The following HHIPL1 variants were observed in gnomAD, a reference collection of about 807,000 sequenced individuals.
HHIPL1 encodes HHIP-like protein 1.
HHIPL1 carries 43 observed loss-of-function variants against 61.8 expected under a neutral mutation model. That is an observed-to-expected ratio of 0.70 (90% CI 0.55 to 0.90). The LOEUF (loss-of-function observed/expected upper bound fraction) is 0.90, where lower values mean the gene tolerates loss of function less well. Ranked by LOEUF, HHIPL1 falls within the 40% of genes least tolerant of loss-of-function variation. The pLI is 0.00. For missense variants in HHIPL1, 1,056 were observed against 1,157.7 expected (o/e 0.91, Z 1.28); for synonymous variants, 482 against 515.8 (o/e 0.93, Z 0.89).
chr14:99,646,827 GATATGATATAATATAATATA>G (rs1454199606), intron 1 of HHIPL1, among the ~76,000 whole-genome samples: 133 of 84,874 alleles, frequency 1.6e-3, no homozygotes, highest in African/African-American at 4.3e-3. Context: ...GATATGATAT[GATATGATATAATATAATATA>G]ATATAATATA....
chr14:99,617,816 GT>G, the HHIPL1 span, among the ~76,000 whole-genome samples: 2 of 152,112 alleles, frequency 1.3e-5, no homozygotes, highest in African/African-American at 2.4e-5. Context: ...TTCATTTCCA[GT>G]TTGCAAAGCA....
the HHIPL1 span, among the ~76,000 whole-genome samples, chr14:99,606,920 C>T: frequency 6.6e-6 from 1 of 152,022 alleles, no homozygotes; most frequent in Non-Finnish European, 1.5e-5. Context: ...GAGCCCCCTC[C>T]CGGAGGGCCC....
At chr14:99,616,841 A>G in the HHIPL1 span, among the ~76,000 whole-genome samples, 3 of 152,186 alleles carry the variant, frequency 2.0e-5, no homozygotes, top group Non-Finnish European at 2.9e-5. Flanking sequence ...CCTGGATTTT[A>G]TGCCCACAGG....
chr14:99,664,901 TC>T (rs2056216915), intron 6 of HHIPL1, among the ~76,000 whole-genome samples: 1 of 147,210 alleles, frequency 6.8e-6, no homozygotes. Context: ...GGGGAAATTG[TC>T]CATTTTTTTT....
upstream of HHIPL1, among the ~76,000 whole-genome samples, chr14:99,642,215 C>T (rs1474353056): frequency 6.6e-6 from 1 of 152,226 alleles, no homozygotes. Flanking sequence ...GCTGGGATTA[C>T]AGGCATGAGC....
chr14:99,642,715 G>A (rs530766007), upstream of HHIPL1, among the ~76,000 whole-genome samples: 1 of 151,958 alleles, frequency 6.6e-6, no homozygotes, highest in East Asian at 1.9e-4. Flanking sequence ...TAGTAGAGAT[G>A]GGGTTTCACC....
rs140933414 is a variant in HHIPL1 at position 99,668,383 on chromosome 14, G to A, written c.1730+80G>A. 831 of 843,212 alleles carry A rather than the reference G, an allele frequency of 9.9e-4. 1 individual carries two copies. Among genetic ancestry groups the A allele is most frequent in the Non-Finnish European group, 1.5e-3 (741 of 487,512 alleles). The allele number at this position is 843,212 out of a possible 1,614,324, so 52.2% of individuals were successfully genotyped here. ...TCCACGGGCTTGTCCCCTCCGCCTC[G>A]CCCTCAGGTGGGTGGTATTAATCCC... On this transcript the variant is annotated intron_variant, in intron 7 of 8. Coordinates refer to ENST00000330710, the MANE Select transcript of HHIPL1 (RefSeq NM_001127258.3). This position sits in a 1 kb window ranked among gnomAD's most constrained non-coding sequence, Gnocchi z 4.7.
chr14:99,641,767 G>A (rs1362056534), upstream of HHIPL1, among the ~76,000 whole-genome samples: 1 of 151,976 alleles, frequency 6.6e-6, no homozygotes, highest in Admixed American at 6.6e-5. Flanking sequence ...TCTTCTATAG[G>A]TAAGGTATTT....
At chr14:99,645,590 G>A (rs763139283) in intron 1 of HHIPL1, 128 bp downstream of exon 1, 6 of 1,008,994 alleles carry the variant, frequency 5.9e-6, no homozygotes, top group Non-Finnish European at 6.3e-6. Flanking sequence ...GCCCCAACAG[G>A]GAGTCATTTG....
chr14:99,611,044 C>G, the HHIPL1 span, among the ~76,000 whole-genome samples: 4 of 152,172 alleles, frequency 2.6e-5, no homozygotes, highest in Non-Finnish European at 5.9e-5. Flanking sequence ...CATACATTGC[C>G]GAATTGCCCT....
the HHIPL1 span, among the ~76,000 whole-genome samples, chr14:99,628,581 C>CAAAAAAAAA: frequency 1.9e-5 from 1 of 53,568 alleles, no homozygotes; most frequent in Admixed American, 2.1e-4. Context: ...AACTCCAACT[C>CAAAAAAAAA]AAAAAAAAAA....
intron 5 of HHIPL1, among the ~76,000 whole-genome samples, chr14:99,662,558 C>T (rs2140080716): frequency 6.6e-6 from 1 of 152,290 alleles, no homozygotes; most frequent in East Asian, 1.9e-4. Context: ...CATGGACATA[C>T]CACATGTGCA....
intron 2 of HHIPL1, among the ~76,000 whole-genome samples, 174 bp downstream of exon 2, chr14:99,653,044 C>T (rs2055966475): frequency 6.6e-6 from 1 of 152,224 alleles, no homozygotes; most frequent in African/African-American, 2.4e-5. Context: ...GAACAGACCT[C>T]ACACAGGCAT....
At chr14:99,604,576 T>C in the HHIPL1 span, 2 of 152,010 alleles carry the variant, frequency 1.3e-5, no homozygotes, top group Non-Finnish European at 2.9e-5. Context: ...GGACGCGGCC[T>C]TAGCCAATCC....
chr14:99,639,388 C>T, the HHIPL1 span, among the ~76,000 whole-genome samples: 1 of 152,134 alleles, frequency 6.6e-6, no homozygotes, highest in Non-Finnish European at 1.5e-5. Context: ...CTCGCACTGT[C>T]ACCCAGGCTG....
At chr14:99,645,576 C>T in intron 1 of HHIPL1, 114 bp downstream of exon 1, 1 of 1,123,506 alleles carries the variant, frequency 8.9e-7, no homozygotes, top group Non-Finnish European at 1.1e-6. Flanking sequence ...CTCGGGAACT[C>T]TAAGCCCCAA....
At chr14:99,627,916 C>G in the HHIPL1 span, among the ~76,000 whole-genome samples, 2 of 152,180 alleles carry the variant, frequency 1.3e-5, no homozygotes, top group South Asian at 4.1e-4. This position sits in a 1 kb window ranked among gnomAD's most constrained non-coding sequence, Gnocchi z 4.4. Context: ...GAAAGGCCCC[C>G]GAGGAGGAAG....
chr14:99,661,499 A>C (rs1297476507), intron 5 of HHIPL1, among the ~76,000 whole-genome samples: 9 of 150,610 alleles, frequency 6.0e-5, no homozygotes, highest in Non-Finnish European at 1.2e-4. Context: ...ACAGGGTCTC[A>C]TTTTGTCACC....
intron 7 of HHIPL1, among the ~76,000 whole-genome samples, chr14:99,669,978 TAC>T (rs1352288839): frequency 1.3e-5 from 2 of 152,202 alleles, no homozygotes; most frequent in South Asian, 4.1e-4. Context: ...TTGTAAAAAC[TAC>T]AGTGTTTCCT....
Sources: gnomAD v4.1 joint callset for allele counts (sites outside exome capture counted in the v4.1 genomes callset) on GRCh38, gnomAD v4.1.1 for gene constraint, Gnocchi (gnomAD v3.1) non-coding constraint, MANE v1.5 for transcripts, NCBI Gene and HGNC (gene_info 2026-07-23, HGNC 2026-07-21) for gene names.